The following SMG1 variants were observed in gnomAD, a reference collection of about 807,000 sequenced individuals.
SMG1 encodes the protein serine/threonine-protein kinase SMG1.
Under a neutral mutation model 419.9 loss-of-function variants are expected in SMG1, and 22 were observed. The ratio of observed to expected loss-of-function variants is 0.05; its 90% CI spans 0.04 to 0.07. The LOEUF is 0.07. SMG1 is among the 10% of genes least tolerant of loss of function. SMG1 has a pLI of 1.00. For synonymous variants in SMG1, 1,538 were observed against 1,553.5 expected (o/e 0.99, Z 0.23); for missense variants, 3,185 against 4,342.0 (o/e 0.73, Z 7.49).
chr16:18,806,094 C>T lies in SMG1; in HGVS notation c.*3475G>A, dbSNP rs1402680292. On this transcript the variant is annotated 3_prime_UTR_variant, in exon 63 of 63. Coordinates refer to ENST00000446231, the MANE Select transcript of SMG1 (RefSeq NM_015092.5). The stretch of plus-strand genomic sequence containing the variant: ...TATAATACCCCAGATTAAAAAGGAC[C>T]GAAGATTGCACATCAAGTCTAATAT... 6.6e-6 allele frequency: 1 copy of T among 152,422 alleles called. No homozygotes were observed. The highest frequency in any genetic ancestry group is 2.4e-5 in the African/African-American group (1 of 41,370). The allele number at this position is 152,422 out of a possible 1,614,324, so 9.4% of individuals were successfully genotyped here.
intron 60 of SMG1, among the ~76,000 whole-genome samples, chr16:18,812,746 G>A (rs2031585808): frequency 6.6e-6 from 1 of 151,962 alleles, no homozygotes; most frequent in Non-Finnish European, 1.5e-5. Flanking sequence ...ATGTATACAT[G>A]TGCCATGTTG....
chr16:18,925,926 CG>C, intron 1 of SMG1, 23 bp downstream of exon 1: 1 of 1,504,010 alleles, frequency 6.6e-7, no homozygotes. Flanking sequence ...GAGGTCGGGG[CG>C]GGGTCCCGGG....
chr16:18,827,218 G>C (rs1408122606), intron 55 of SMG1, among the ~76,000 whole-genome samples: 2 of 152,060 alleles, frequency 1.3e-5, no homozygotes, highest in East Asian at 3.9e-4. Flanking sequence ...CCTGAGGTCA[G>C]GAGTTTGAGA....
intron 42 of SMG1, among the ~76,000 whole-genome samples, chr16:18,839,440 G>T (rs1230362611): frequency 6.6e-6 from 1 of 152,010 alleles, no homozygotes; most frequent in Non-Finnish European, 1.5e-5. Flanking sequence ...GAGAACATGC[G>T]GTATTCAGTT....
intron 55 of SMG1, 136 bp downstream of exon 55, chr16:18,827,895 G>GA: frequency 1.7e-6 from 1 of 585,288 alleles, no homozygotes; most frequent in Non-Finnish European, 2.5e-6. Flanking sequence ...AAGCAAAAGT[G>GA]AAAAAAATTA....
chr16:18,812,352 C>T (rs1158052346), intron 60 of SMG1, among the ~76,000 whole-genome samples: 1 of 152,020 alleles, frequency 6.6e-6, no homozygotes, highest in Non-Finnish European at 1.5e-5. Flanking sequence ...CTTGTGGCAT[C>T]AAAAACCATA....
intron 9 of SMG1, among the ~76,000 whole-genome samples, chr16:18,882,632 T>C (rs1465933229): frequency 6.6e-6 from 1 of 152,188 alleles, no homozygotes; most frequent in African/African-American, 2.4e-5. Context: ...TCTAGTTATA[T>C]GTAGGTATAA....
chr16:18,816,710 A>G (rs937924476), intron 57 of SMG1, among the ~76,000 whole-genome samples, 181 bp from the exon 58 acceptor site: 3 of 152,254 alleles, frequency 2.0e-5, no homozygotes, highest in African/African-American at 7.2e-5. Context: ...TATGAAATAT[A>G]GATGAAGATT....
rs776414410 is a variant in SMG1, at chr16:18,812,175, G to A, written c.10622-48C>T. The A allele has an allele frequency of 1.3e-4, 198 of 1,573,462 alleles. 1 individual carries two copies. In the Admixed American group the frequency reaches 1.4e-3, roughly 11 times the overall value. Reference sequence around the variant, plus strand: ...TCAATTTACATGTAAACAGAACATGGAGGGGGCAGAGTGGAGCAAGCACGG... The same window carrying A: ...TCAATTTACATGTAAACAGAACATGAAGGGGGCAGAGTGGAGCAAGCACGG... On this transcript the variant is annotated intron_variant, in intron 60 of 62. Coordinates refer to ENST00000446231, the MANE Select transcript of SMG1 (RefSeq NM_015092.5).
Position 18,816,464 on chromosome 16 carries a change from G to T in SMG1, c.10140C>A (p.Thr3380=). The change falls in exon 58 of 63, where the codon ACC becomes ACA. Residue 3380 remains threonine, a synonymous_variant. Transcript: ENST00000446231. ...TTGCCCTCTGAGTAGACATATCCTG[G>T]GTCAACTGTTTGTGTGCTGACAAAA... ...EWLLSAHKQL[T]QDMSTQRAIQ... is the part of the protein sequence containing the mutation. 1 of 1,613,834 alleles carries T rather than the reference G, an allele frequency of 6.2e-7. No individual in the cohort carries two copies. The highest frequency in any genetic ancestry group is 8.5e-7 in the Non-Finnish European group (1 of 1,179,854).
rs554416741 is a variant in SMG1 at position 18,870,728 on chromosome 16, T to C, written c.2391-17A>G. The C allele has an allele frequency of 2.1e-5, 33 of 1,594,146 alleles. No homozygotes were observed. Among genetic ancestry groups the C allele is most frequent in the Middle Eastern group, 2.3e-4 (1 of 4,410 alleles). On this transcript the variant is annotated splice_polypyrimidine_tract_variant and intron_variant, in intron 17 of 62. Transcript: ENST00000446231. ...TCGACACATCTATGAAAGAACGAAA[T>C]AGACAAAGCAGGTGTGTTAACATTT... is the stretch of plus-strand genomic sequence containing the variant.
At chr16:18,810,957 G>A (rs1235060871) in intron 62 of SMG1, among the ~76,000 whole-genome samples, 2 of 152,070 alleles carry the variant, frequency 1.3e-5, no homozygotes, top group African/African-American at 2.4e-5. Flanking sequence ...AAACGTTTAT[G>A]GGCATTCCTA....
intron 1 of SMG1, among the ~76,000 whole-genome samples, chr16:18,909,492 A>C (rs992775910): frequency 1.3e-5 from 2 of 152,240 alleles, no homozygotes; most frequent in Non-Finnish European, 2.9e-5. Flanking sequence ...CAGCCTGGGC[A>C]ACACAGTGAG....
intron 1 of SMG1, among the ~76,000 whole-genome samples, chr16:18,923,011 G>A (rs979252259): frequency 2.6e-5 from 4 of 152,294 alleles, no homozygotes; most frequent in Non-Finnish European, 5.9e-5. Flanking sequence ...CTGGGAGGTC[G>A]AGACTGCAGT....
chr16:18,874,519 A>G (rs1236116560), intron 13 of SMG1, among the ~76,000 whole-genome samples: 1 of 151,320 alleles, frequency 6.6e-6, no homozygotes, highest in Non-Finnish European at 1.5e-5. Context: ...CAAACCATAA[A>G]CAATAAATAC....
Position 18,835,993 on chromosome 16 carries a change from G to C in SMG1, c.7997C>G (p.Thr2666Ser), listed in dbSNP as rs1382053098. 6.4e-7 allele frequency: 1 copy of C among 1,556,542 alleles called. No individual in the cohort carries two copies. Among genetic ancestry groups the C allele is most frequent in the South Asian group, 1.2e-5 (1 of 84,308 alleles). ...FQKHRIEQWK[T>S]WMEELICNTT... is the part of the protein sequence containing the mutation. ...GTTACAGATGAGCTCTTCCATCCAG[G>C]TCTTCCACTGTTCAATTCGATGTTT... The change falls in exon 48 of 63, where the codon ACC becomes AGC. Residue 2666 changes from threonine to serine, a missense_variant. Physicochemically the swap from Thr to Ser is moderately conservative, Grantham distance 58. Around this residue, in one of 27 missense-constraint regions of SMG1, gnomAD observed 412 missense variants for 546.6 expected, o/e 0.75. Transcript: ENST00000446231.
chr16:18,912,360 T>C (rs1430182386), intron 1 of SMG1, among the ~76,000 whole-genome samples: 1 of 151,816 alleles, frequency 6.6e-6, no homozygotes, highest in Non-Finnish European at 1.5e-5. Context: ...AAGAGTAAAT[T>C]TCAAATGCCT....
chr16:18,829,955 A>G lies in SMG1; in HGVS notation c.9104T>C (p.Leu3035Pro). 1 of 1,570,712 alleles carries G rather than the reference A, an allele frequency of 6.4e-7. No homozygotes were observed. The highest frequency in any genetic ancestry group is 8.6e-7 in the Non-Finnish European group (1 of 1,161,270). ...CAATGTTTTAGAAAAGGTACCACAG[A>G]GCCTGAAGAACTCCTTAATAGTCTG... The part of the protein sequence containing the change: ...RLQTIKEFFR[L>P]CGTFSKTLSG... The change falls in exon 53 of 63, where the codon CTC (leucine) becomes CCC (proline). Residue 3035 changes from leucine to proline, a missense_variant. This residue lies in a region of SMG1 where 737 missense variants were observed against 846.6 expected (regional missense o/e 0.87). Coordinates refer to ENST00000446231, the MANE Select transcript of SMG1 (RefSeq NM_015092.5).
chr16:18,819,572 A>G lies in SMG1; in HGVS notation c.9824T>C (p.Leu3275Pro), dbSNP rs1490475962. ...GGANPALAPV[L>P]QDFEATIAER... The stretch of plus-strand genomic sequence containing the variant: ...AGCTATCGTTGCTTCAAAATCTTGT[A>G]GTACAGGGGCCAATGCAGGGTTGGC... The change falls in exon 56 of 63, where the codon CTA (leucine) becomes CCA (proline). Residue 3275 changes from leucine (L) to proline (P), a missense_variant. Around this residue, in one of 27 missense-constraint regions of SMG1, gnomAD observed 737 missense variants for 846.6 expected, o/e 0.87. Coordinates refer to ENST00000446231, the MANE Select transcript of SMG1 (RefSeq NM_015092.5). 1 of 1,602,404 alleles carries G rather than the reference A, an allele frequency of 6.2e-7. No homozygotes were observed. The highest frequency in any genetic ancestry group is 1.3e-5 in the African/African-American group (1 of 74,910).
Sources: allele counts gnomAD v4.1 joint callset (sites outside exome capture counted in the v4.1 genomes callset), GRCh38; gene constraint gnomAD v4.1.1; regional missense constraint gnomAD v4.1.1; transcripts MANE v1.5; gene names NCBI Gene and HGNC (gene_info 2026-07-23, HGNC 2026-07-21).